Variants in MROH7 observed in about 807,000 individuals in gnomAD.
The protein encoded by MROH7 is maestro heat like repeat family member 7.
A neutral mutation model predicts 129.2 loss-of-function variants in MROH7; 113 were observed. That is an observed-to-expected ratio of 0.87 (90% CI 0.75 to 1.02). The LOEUF (loss-of-function observed/expected upper bound fraction) is 1.02. Ranked by LOEUF, MROH7 falls within the 50% of genes least tolerant of loss-of-function variation. The pLI is 0.00. For missense variants in MROH7, 1,601 were observed against 1,671.3 expected (o/e 0.96, Z 0.73); for synonymous variants, 655 against 667.9 (o/e 0.98, Z 0.30).
At chr1:54,692,662 C>T (rs1341788664) in intron 16 of MROH7, 101 bp downstream of exon 16, 4 of 1,261,236 alleles carry the variant, frequency 3.2e-6, no homozygotes, top group Non-Finnish European at 4.3e-6. Context: ...TGGGCAAGAC[C>T]CTTTGCTCAG....
intron 14 of MROH7, among the ~76,000 whole-genome samples, chr1:54,684,919 A>C (rs1473444577): frequency 6.6e-6 from 1 of 152,236 alleles, no homozygotes; most frequent in African/African-American, 2.4e-5. Context: ...AGCCCATGTT[A>C]GGTCACTTTT....
Position 54,674,051 on chromosome 1 carries a change from G to T in MROH7, c.1836G>T (p.Leu612=), listed in dbSNP as rs562389047. 1.9e-6 allele frequency: 3 copies of T among 1,614,144 alleles called. No homozygotes were observed. Among genetic ancestry groups the T allele is most frequent in the African/African-American group, 2.7e-5 (2 of 75,046 alleles). Residue 612 remains leucine (L), a synonymous_variant, in exon 10 of 24, where the codon CTG becomes CTT. Transcript: ENST00000421030. ...PLGFPALGLL[L]GRLILHIGDP... is the part of the protein sequence containing the mutation. ...GGTTCCCGGCGCTGGGGCTTCTGCTGGGGAGACTCATCCTTCACATTGGGG... is the reference window on the plus strand; with the variant it reads ...GGTTCCCGGCGCTGGGGCTTCTGCTTGGGAGACTCATCCTTCACATTGGGG...
intron 1 of MROH7, among the ~76,000 whole-genome samples, chr1:54,643,250 C>G (rs1445490446): frequency 6.6e-6 from 1 of 152,112 alleles, no homozygotes; most frequent in African/African-American, 2.4e-5. Flanking sequence ...AAGCTGGTGT[C>G]TGAAATGTGA....
intron 18 of MROH7, 119 bp from the exon 19 acceptor site, chr1:54,701,024 G>A (rs1293232746): frequency 8.0e-6 from 9 of 1,119,058 alleles, no homozygotes; most frequent in African/African-American, 4.6e-5. Context: ...GATGGCATAG[G>A]CCAAGGCCTG....
Position 54,653,708 on chromosome 1 carries a change from A to C in MROH7, c.782A>C (p.Lys261Thr). 6.2e-7 allele frequency: 1 copy of C among 1,614,190 alleles called. No homozygotes were observed. The change falls in exon 3 of 24, where the codon AAA (lysine) becomes ACA (threonine). Residue 261 changes from lysine (K) to threonine (T), a missense_variant. Coordinates refer to ENST00000421030, the MANE Select transcript of MROH7 (RefSeq NM_001039464.4). ...ASHNISESVS[K>T]GAFSTTWSTS... is the part of the protein sequence containing the mutation. ...CATAATATCTCTGAGTCTGTTTCAAAAGGAGCCTTTAGTACCACCTGGAGC... is the reference window on the plus strand; with the variant it reads ...CATAATATCTCTGAGTCTGTTTCAACAGGAGCCTTTAGTACCACCTGGAGC...
rs1373000656 is a variant in MROH7, at chr1:54,706,508, C to T, written c.3638C>T (p.Ser1213Phe). ...GAGTATGCCAAGAACTCACGGGCCT[C>T]CCTCCGGAAGTGCTCAGTCATGTTC... is the stretch of plus-strand genomic sequence containing the variant. ...SLEYAKNSRA[S>F]LRKCSVMFIG... is the part of the protein sequence containing the mutation. The change falls in exon 22 of 24, where the codon TCC becomes TTC. Residue 1213 changes from serine (S) to phenylalanine (F), a missense_variant. Coordinates refer to ENST00000421030, the MANE Select transcript of MROH7 (RefSeq NM_001039464.4). The T allele has an allele frequency of 1.4e-5, 22 of 1,613,424 alleles. No homozygotes were observed. The highest frequency in any genetic ancestry group is 1.5e-5 in the Non-Finnish European group (18 of 1,179,928).
chr1:54,644,439 T>C (rs1644432621), intron 1 of MROH7, among the ~76,000 whole-genome samples: 1 of 151,900 alleles, frequency 6.6e-6, no homozygotes, highest in Non-Finnish European at 1.5e-5. Flanking sequence ...ACCTCCTGGG[T>C]TCAAGCAATT....
rs1343702931 is a variant in MROH7 at position 54,641,914 on chromosome 1, A to T, written c.-164A>T. 1 of 152,232 alleles carries T rather than the reference A, an allele frequency of 6.6e-6. No homozygotes were observed. Among genetic ancestry groups the T allele is most frequent in the Non-Finnish European group, 1.5e-5 (1 of 68,080 alleles). The allele number at this position is 152,232 out of a possible 1,614,324, so 9.4% of individuals were successfully genotyped here. On this transcript the variant is annotated 5_prime_UTR_variant, in exon 1 of 24. Transcript: ENST00000421030. ...GGCTGTATTCCACAGTTAGAACTTCATATCTTTGGCTTAGAGCTGGATTTT... is the reference window on the plus strand; with the variant it reads ...GGCTGTATTCCACAGTTAGAACTTCTTATCTTTGGCTTAGAGCTGGATTTT...
intron 15 of MROH7, 127 bp downstream of exon 15, chr1:54,686,575 A>C (rs1185517527): frequency 2.4e-6 from 2 of 822,288 alleles, no homozygotes; most frequent in Non-Finnish European, 3.7e-6. Context: ...AAGAGAAAAC[A>C]GAAGCACAAT....
intron 17 of MROH7, chr1:54,697,051 G>A (rs12131848): frequency 0.2 from 30,551 of 151,868 alleles, 3,228 homozygotes; most frequent in South Asian, 0.29. Flanking sequence ...TTGTCTGTTG[G>A]CTGACATCGT....
At chr1:54,676,753 G>C (rs1048769868) in intron 10 of MROH7, among the ~76,000 whole-genome samples, 13 of 149,282 alleles carry the variant, frequency 8.7e-5, no homozygotes, top group Non-Finnish European at 1.6e-4. Flanking sequence ...TTGTCGCCCA[G>C]GCTGGAGTGC....
At chr1:54,709,919 G>A in intron 23 of MROH7, 27 bp from the exon 24 acceptor site, 1 of 1,602,412 alleles carries the variant, frequency 6.2e-7, no homozygotes, top group Non-Finnish European at 8.5e-7. Context: ...GTCTTAATAG[G>A]AGGCTTCTCC....
chr1:54,671,001 TC>T (rs1272329352), intron 7 of MROH7, 72 bp downstream of exon 7: 1 of 1,484,590 alleles, frequency 6.7e-7, no homozygotes, highest in Non-Finnish European at 9.0e-7. Flanking sequence ...AGCTGCATCC[TC>T]CGGCTCATTG....
intron 1 of MROH7, among the ~76,000 whole-genome samples, chr1:54,645,791 T>C (rs537421547): frequency 6.6e-6 from 1 of 151,746 alleles, no homozygotes; most frequent in East Asian, 2.0e-4. Flanking sequence ...AAGGTAGGAC[T>C]ACAGGCGCAC....
intron 3 of MROH7, chr1:54,664,040 T>C (rs571740425): frequency 1.0e-5 from 3 of 291,626 alleles, no homozygotes; most frequent in Non-Finnish European, 2.0e-5. Context: ...AATAAAGGAC[T>C]CTATTGGTCC....
intron 1 of MROH7, among the ~76,000 whole-genome samples, chr1:54,646,218 C>T (rs1644464834): frequency 6.6e-6 from 1 of 152,178 alleles, no homozygotes; most frequent in Non-Finnish European, 1.5e-5. Context: ...CCCAGAGATC[C>T]AGGGTTCTGC....
intron 3 of MROH7, among the ~76,000 whole-genome samples, chr1:54,664,626 G>T (rs1644783480): frequency 6.6e-6 from 1 of 152,244 alleles, no homozygotes; most frequent in African/African-American, 2.4e-5. Context: ...GGGCATTGAG[G>T]GTCTTGGCAA....
rs558090887 is a variant in MROH7, at chr1:54,692,986, T to C, written c.2849+425T>C. Among the ~76,000 whole-genome samples the C allele has an allele frequency of 2.4e-4, 37 of 152,080 alleles. No individual in the cohort carries two copies. In the South Asian group the frequency reaches 7.7e-3, roughly 32 times the overall value. ...GAGTCTCCACTTTCCTTCAATAGCA[T>C]GGAAATAATAGTCAGACCCACCTCT... On this transcript the variant is annotated intron_variant, in intron 16 of 23. Coordinates refer to ENST00000421030, the MANE Select transcript of MROH7 (RefSeq NM_001039464.4).
intron 3 of MROH7, among the ~76,000 whole-genome samples, chr1:54,664,581 G>T (rs1244268152): frequency 6.6e-6 from 1 of 152,262 alleles, no homozygotes; most frequent in East Asian, 1.9e-4. Flanking sequence ...GGGAGATAAG[G>T]CTGCAGAGGA....
Sources: gnomAD v4.1 joint callset for allele counts (sites outside exome capture counted in the v4.1 genomes callset) on GRCh38, gnomAD v4.1.1 for gene constraint, MANE v1.5 for transcripts, NCBI Gene and HGNC (gene_info 2026-07-23, HGNC 2026-07-21) for gene names.